The following USP34 variants were observed in gnomAD, a reference collection of about 807,000 sequenced individuals.
USP34 encodes the protein ubiquitin carboxyl-terminal hydrolase 34.
Under a neutral mutation model 460.3 loss-of-function variants are expected in USP34, and 70 were observed. The observed-to-expected ratio is 0.15, with a 90% CI of 0.13 to 0.19. The LOEUF (loss-of-function observed/expected upper bound fraction) is 0.19. USP34 is among the 10% of genes least tolerant of loss of function. USP34 has a pLI of 1.00. For missense variants in USP34, 3,985 were observed against 4,236.2 expected, an observed-to-expected ratio of 0.94 and a Z score of 1.65; for synonymous variants, 1,647 against 1,405.3, an observed-to-expected ratio of 1.17 and a Z score of -3.85.
At chr2:61,236,510 T>G (rs1181105948) in intron 53 of USP34, 121 bp from the exon 54 acceptor site, 3 of 695,644 alleles carry the variant, frequency 4.3e-6, no homozygotes, top group Non-Finnish European at 6.9e-6. Flanking sequence ...ATCCATGCAC[T>G]TTAAGTTCAT....
At chr2:61,220,806 G>A (rs1169535859) in intron 66 of USP34, among the ~76,000 whole-genome samples, 1 of 152,112 alleles carries the variant, frequency 6.6e-6, no homozygotes, top group Non-Finnish European at 1.5e-5. Context: ...CTGATTACAT[G>A]CCCAACCTGG....
chr2:61,265,168 T>C, intron 43 of USP34: 1 of 481,032 alleles, frequency 2.1e-6, no homozygotes, highest in Non-Finnish European at 3.6e-6. Context: ...TGAGCATGCA[T>C]ATTCCATAGC....
At chr2:61,228,781 T>G (rs779408500) in intron 60 of USP34, 46 bp downstream of exon 60, 4 of 1,588,496 alleles carry the variant, frequency 2.5e-6, no homozygotes, top group Non-Finnish European at 3.4e-6. Context: ...TTGCAAATAC[T>G]GAAAAAAGGT....
In USP34 at chr2:61,299,909, T is replaced by C. The variant is rs567835975; in HGVS notation, c.4128+1042A>G. On this transcript the variant is annotated intron_variant, in intron 29 of 79. Coordinates refer to ENST00000398571, the MANE Select transcript of USP34 (RefSeq NM_014709.4). ...ATGTTCCTCAGGCATCTATCTATCC[T>C]TCAGCTCAAATGGAATCCACCCAGT... 2.3e-4 allele frequency among the ~76,000 whole-genome samples: 35 copies of C among 152,328 alleles called. 1 individual carries two copies. The highest frequency in any genetic ancestry group is 4.4e-4 in the Non-Finnish European group (30 of 68,020).
At chr2:61,250,444 T>TA (rs1688545524) in intron 48 of USP34, 1 of 156,092 alleles carries the variant, frequency 6.4e-6, no homozygotes, top group South Asian at 2.0e-4. Flanking sequence ...GTTTATAGAT[T>TA]AAACACCCCA....
intron 76 of USP34, 102 bp downstream of exon 76, chr2:61,192,790 TTCTAAAATG>T: frequency 1.3e-6 from 1 of 749,896 alleles, no homozygotes; most frequent in East Asian, 2.8e-5. Context: ...CCTATCAAGA[TTCTAAAATG>T]TCCCCACTTT....
chr2:61,282,737 C>A (rs1689570538), intron 37 of USP34, among the ~76,000 whole-genome samples: 3 of 151,938 alleles, frequency 2.0e-5, no homozygotes, highest in Non-Finnish European at 2.9e-5. Context: ...CTGCAGGGAG[C>A]CTTGATTGCA....
chr2:61,319,070 T>TA, intron 22 of USP34, 103 bp downstream of exon 22: 1 of 1,205,264 alleles, frequency 8.3e-7, no homozygotes, highest in Non-Finnish European at 1.1e-6. Context: ...TTTGGCTACT[T>TA]AAAAAAACTG....
rs193282875 is a variant in USP34, at chr2:61,260,967, A to T, written c.5779-1191T>A. On this transcript the variant is annotated intron_variant, in intron 43 of 79. Transcript: ENST00000398571. The stretch of plus-strand genomic sequence containing the variant: ...CTGCATCTATATGTATTTACTACTT[A>T]AAAAATTGTGTTCACATCCATTAGG... Among the ~76,000 whole-genome samples, 364 of 152,340 alleles carry T rather than the reference A, an allele frequency of 2.4e-3. 2 individuals are homozygous for T. Among genetic ancestry groups the T allele is most frequent in the Non-Finnish European group, 2.4e-3 (161 of 68,022 alleles).
intron 2 of USP34, among the ~76,000 whole-genome samples, chr2:61,413,205 C>T (rs1694094461): frequency 6.6e-6 from 1 of 151,812 alleles, no homozygotes; most frequent in Non-Finnish European, 1.5e-5. Context: ...ACCATCCTGG[C>T]CAACACGGTG....
At chr2:61,382,833 G>A (rs963058581) in intron 6 of USP34, among the ~76,000 whole-genome samples, 1 of 152,024 alleles carries the variant, frequency 6.6e-6, no homozygotes, top group African/African-American at 2.4e-5. Context: ...GAACTCTCAA[G>A]CCACCTTTGC....
Position 61,391,005 on chromosome 2 carries a change from G to C in USP34, c.753+3848C>G, listed in dbSNP as rs1693327846. On this transcript the variant is annotated intron_variant, in intron 5 of 79. Coordinates refer to ENST00000398571, the MANE Select transcript of USP34 (RefSeq NM_014709.4). ...AGCTACTCGGGAAGCTAAGGCAGGA[G>C]AATCGCTTGAATCTGGGAGGCGGAG... Among the ~76,000 whole-genome samples, 3 of 151,990 alleles carry C rather than the reference G, an allele frequency of 2.0e-5. No individual in the cohort carries two copies. The South Asian group carries it at 6.2e-4, about 32-fold the overall frequency.
intron 1 of USP34, among the ~76,000 whole-genome samples, chr2:61,452,415 C>T (rs183290536): frequency 0.012 from 1,814 of 147,952 alleles, 43 homozygotes; most frequent in Non-Finnish European, 0.012. Flanking sequence ...ACCTCGACCT[C>T]CGGGGTTCAA....
intron 67 of USP34, among the ~76,000 whole-genome samples, chr2:61,217,558 A>G (rs1041749468): frequency 6.6e-6 from 1 of 152,236 alleles, no homozygotes; most frequent in Admixed American, 6.5e-5. Flanking sequence ...CATTATAACA[A>G]TGTTTCCCAA....
intron 1 of USP34, among the ~76,000 whole-genome samples, chr2:61,463,880 G>A (rs892239422): frequency 1.3e-5 from 2 of 151,748 alleles, no homozygotes; most frequent in Non-Finnish European, 2.9e-5. Context: ...AAGTCCTGTG[G>A]TTCCACCAAA....
chr2:61,448,018 T>C (rs1182252727), intron 1 of USP34, among the ~76,000 whole-genome samples: 2 of 152,224 alleles, frequency 1.3e-5, no homozygotes, highest in Non-Finnish European at 2.9e-5. Flanking sequence ...TCTGTGAAAT[T>C]TAATAAAATT....
rs781247294 is a variant in USP34, at chr2:61,214,474, A to G, written c.8268T>C (p.Phe2756=). The change falls in exon 68 of 80, where the codon TTT becomes TTC. Residue 2756 remains phenylalanine, a synonymous_variant. Transcript: ENST00000398571. ...AAATTAAACAGTAAGTCATAAAGCT[A>G]AAATAGGGCACTAGCTTTGTAGTGC... ...VHGTTKLVPY[F]SFMTYCLISK... 2 of 1,614,148 alleles carry G rather than the reference A, an allele frequency of 1.2e-6. No individual in the cohort carries two copies. Among genetic ancestry groups the G allele is most frequent in the Non-Finnish European group, 1.7e-6 (2 of 1,180,028 alleles).
intron 67 of USP34, among the ~76,000 whole-genome samples, chr2:61,218,069 T>C (rs1162660785): frequency 6.6e-6 from 1 of 151,926 alleles, no homozygotes; most frequent in Non-Finnish European, 1.5e-5. Flanking sequence ...TATTAAACAA[T>C]GCCACTGCAA....
chr2:61,396,567 C>G (rs545553820), intron 3 of USP34, among the ~76,000 whole-genome samples: 2 of 151,564 alleles, frequency 1.3e-5, no homozygotes, highest in African/African-American at 4.8e-5. Context: ...CGGATCACTG[C>G]AAGCTCTGCC....
Sources: allele counts gnomAD v4.1 joint callset (sites outside exome capture counted in the v4.1 genomes callset), GRCh38; gene constraint gnomAD v4.1.1; transcripts MANE v1.5; gene names NCBI Gene and HGNC (gene_info 2026-07-23, HGNC 2026-07-21).